Variants in GABRB1 observed in about 807,000 individuals in gnomAD.
GABRB1 encodes the protein gamma-aminobutyric acid receptor subunit beta-1.
A neutral mutation model predicts 51.6 loss-of-function variants in GABRB1; 17 were observed. That is an observed-to-expected ratio of 0.33 (90% CI 0.23 to 0.49). The LOEUF (loss-of-function observed/expected upper bound fraction) is 0.49. Ranked by LOEUF, GABRB1 falls within the 20% of genes least tolerant of loss-of-function variation. The pLI is 0.99. For missense variants in GABRB1, 410 were observed against 600.6 expected (o/e 0.68, Z 3.32); for synonymous variants, 247 against 218.9 (o/e 1.13, Z -1.14).
At chr4:47,348,846 G>C (rs1726203032) in intron 5 of GABRB1, among the ~76,000 whole-genome samples, 1 of 152,194 alleles carries the variant, frequency 6.6e-6, no homozygotes, top group East Asian at 1.9e-4. Flanking sequence ...AATGGACCAG[G>C]AAGAAATAAT....
chr4:47,302,492 T>G (rs993020859), intron 4 of GABRB1, among the ~76,000 whole-genome samples: 6 of 152,012 alleles, frequency 3.9e-5, no homozygotes, highest in Non-Finnish European at 8.8e-5. Context: ...CTTAATAAAC[T>G]GCATTTAAAT....
intron 4 of GABRB1, among the ~76,000 whole-genome samples, chr4:47,195,538 G>A (rs1285680670): frequency 6.6e-6 from 1 of 151,982 alleles, no homozygotes; most frequent in African/African-American, 2.4e-5. Flanking sequence ...TCTGATTTCT[G>A]GTTTTCAAAT....
intron 4 of GABRB1, among the ~76,000 whole-genome samples, chr4:47,272,033 C>T (rs923230026): frequency 3.3e-5 from 5 of 152,226 alleles, no homozygotes; most frequent in South Asian, 2.1e-4. Flanking sequence ...TTAATCCAAA[C>T]GACTCCATGT....
chr4:47,132,612 G>GA (rs1404731979), intron 3 of GABRB1, among the ~76,000 whole-genome samples: 2 of 151,846 alleles, frequency 1.3e-5, no homozygotes, highest in Admixed American at 6.6e-5. Context: ...GTATTGCAAT[G>GA]AAAAAAAGGA....
chr4:47,101,059 T>C (rs961383225), intron 3 of GABRB1, among the ~76,000 whole-genome samples: 45 of 151,792 alleles, frequency 3.0e-4, no homozygotes, highest in African/African-American at 1.1e-3. Flanking sequence ...GCCATGAAAA[T>C]AAGGTTGGTC....
chr4:47,136,725 G>A (rs1716676161), intron 3 of GABRB1, among the ~76,000 whole-genome samples: 1 of 151,964 alleles, frequency 6.6e-6, no homozygotes, highest in African/African-American at 2.4e-5. Context: ...TCAATAAATT[G>A]TGGTCTCTGG....
intron 4 of GABRB1, among the ~76,000 whole-genome samples, chr4:47,191,399 T>C (rs187424487): frequency 1.8e-4 from 27 of 152,246 alleles, no homozygotes; most frequent in African/African-American, 6.5e-4. Context: ...CAACATTTAC[T>C]TCACCCCCTA....
chr4:47,006,146 C>T (rs538969135), intron 1 of GABRB1, among the ~76,000 whole-genome samples: 28 of 151,776 alleles, frequency 1.8e-4, no homozygotes, highest in African/African-American at 4.1e-4. Flanking sequence ...AGAATTATAA[C>T]GAAAAATGTG....
Position 47,291,225 on chromosome 4 carries a change from C to T in GABRB1, c.462-28902C>T, listed in dbSNP as rs567326270. On this transcript the variant is annotated intron_variant, in intron 4 of 8. Coordinates refer to ENST00000295454, the MANE Select transcript of GABRB1 (RefSeq NM_000812.4). Reference sequence around the variant, plus strand: ...CAGCTCAGGCTGTTGCTCCAGAGGACGGAAGCCCCAGGCCTTGGCAGCTTC... The same window carrying T: ...CAGCTCAGGCTGTTGCTCCAGAGGATGGAAGCCCCAGGCCTTGGCAGCTTC... Among the ~76,000 whole-genome samples, 8 of 152,264 alleles carry T rather than the reference C, an allele frequency of 5.3e-5. No individual in the cohort carries two copies. The East Asian group carries it at 9.7e-4, about 18-fold the overall frequency.
chr4:47,405,097 A>G (rs1728524853), intron 7 of GABRB1, among the ~76,000 whole-genome samples: 1 of 152,190 alleles, frequency 6.6e-6, no homozygotes, highest in African/African-American at 2.4e-5. Context: ...TTTATAAGTG[A>G]CTCATTCATT....
chr4:47,120,056 C>T (rs2109646100), intron 3 of GABRB1, among the ~76,000 whole-genome samples: 1 of 151,992 alleles, frequency 6.6e-6, no homozygotes, highest in Middle Eastern at 3.4e-3. Flanking sequence ...ACTGGATAAA[C>T]AAAAATATTC....
At chr4:47,402,037 G>C (rs1238876370) in intron 5 of GABRB1, among the ~76,000 whole-genome samples, 1 of 152,188 alleles carries the variant, frequency 6.6e-6, no homozygotes, top group Non-Finnish European at 1.5e-5. Context: ...ATAGTAAAGA[G>C]GGTCTTAGTC....
intron 4 of GABRB1, among the ~76,000 whole-genome samples, chr4:47,271,300 A>G (rs1200601232): frequency 1.3e-5 from 2 of 152,204 alleles, no homozygotes; most frequent in Non-Finnish European, 2.9e-5. Context: ...ATAAGCTTGG[A>G]TAATAAAAGG....
intron 3 of GABRB1, among the ~76,000 whole-genome samples, chr4:47,123,873 C>A (rs868366430): frequency 9.0e-5 from 6 of 66,950 alleles, no homozygotes; most frequent in Non-Finnish European, 1.1e-4. Context: ...TGATATATAT[C>A]TTATATATAA....
At chr4:47,052,538 T>A (rs554658321) in intron 3 of GABRB1, among the ~76,000 whole-genome samples, 1 of 152,342 alleles carries the variant, frequency 6.6e-6, no homozygotes, top group East Asian at 1.9e-4. Flanking sequence ...AACTCCGAAG[T>A]ACGGAGCTAG....
chr4:47,113,386 C>CAAAAAA (rs760542350), intron 3 of GABRB1, among the ~76,000 whole-genome samples: 1 of 107,084 alleles, frequency 9.3e-6, no homozygotes, highest in African/African-American at 3.3e-5. Flanking sequence ...ACTTCGTCTC[C>CAAAAAA]AAAAAAAAAA....
intron 1 of GABRB1, among the ~76,000 whole-genome samples, chr4:47,008,411 A>C (rs1033451252): frequency 2.0e-5 from 3 of 152,148 alleles, no homozygotes; most frequent in Non-Finnish European, 4.4e-5. Flanking sequence ...AGGAATGCCA[A>C]CTGTAAAACT....
At chr4:47,227,821 ACT>A (rs1028596025) in intron 4 of GABRB1, among the ~76,000 whole-genome samples, 3 of 151,692 alleles carry the variant, frequency 2.0e-5, no homozygotes, top group Non-Finnish European at 4.4e-5. Context: ...TCCTGAGGAC[ACT>A]CTCTTTGCCT....
At chr4:47,271,741 A>T (rs958865071) in intron 4 of GABRB1, among the ~76,000 whole-genome samples, 2 of 152,158 alleles carry the variant, frequency 1.3e-5, no homozygotes, top group African/African-American at 4.8e-5. Context: ...GAAGTGGTTC[A>T]CCTCAGATGC....
Sources: gnomAD v4.1 joint callset for allele counts (sites outside exome capture counted in the v4.1 genomes callset) on GRCh38, gnomAD v4.1.1 for gene constraint, MANE v1.5 for transcripts, NCBI Gene and HGNC (gene_info 2026-07-23, HGNC 2026-07-21) for gene names.